The following NINJ2 variants were observed in gnomAD, a reference collection of about 807,000 sequenced individuals.
NINJ2 encodes ninjurin 2.
Under a neutral mutation model 11.7 loss-of-function variants are expected in NINJ2, and 12 were observed. The ratio of observed to expected loss-of-function variants is 1.02; its 90% confidence interval spans 0.66 to 1.66. The LOEUF (loss-of-function observed/expected upper bound fraction) is 1.66, where lower values mean the gene tolerates loss of function less well. Ranked by LOEUF, NINJ2 falls within the 40% of genes most tolerant of loss-of-function variation. NINJ2 has a pLI of 0.00. For missense variants in NINJ2, 187 were observed against 181.8 expected (o/e 1.03, Z -0.16); for synonymous variants, 93 against 76.8 (o/e 1.21, Z -1.10).
rs1038286696 is a variant in NINJ2 at position 640,362 on chromosome 12, G to A, written c.33+22966C>T. On this transcript the variant is annotated intron_variant, in intron 1 of 3. Transcript: ENST00000305108. This position sits in a 1 kb window ranked among gnomAD's most constrained non-coding sequence, Gnocchi z 4.0. ...AGCTTTAAAAAAAAGGTAGGCCTGC[G>A]GGCTCCTTGCCTGAGCAAAGTTAAA... is the stretch of plus-strand genomic sequence containing the variant. 4.6e-5 allele frequency among the ~76,000 whole-genome samples: 7 copies of A among 152,114 alleles called. No individual in the cohort carries two copies. Among genetic ancestry groups the A allele is most frequent in the Non-Finnish European group, 8.8e-5 (6 of 68,028 alleles).
At position 658,799 on chromosome 12, in the gene NINJ2, A is replaced by C. The variant is rs181923939; in HGVS notation, c.33+4529T>G. Among the ~76,000 whole-genome samples the C allele has an allele frequency of 3.3e-5, 5 of 152,198 alleles. No individual in the cohort carries two copies. In the East Asian group the frequency reaches 9.6e-4, roughly 29 times the overall value. On this transcript the variant is annotated intron_variant, in intron 1 of 3. Transcript: ENST00000305108. Reference sequence around the variant, plus strand: ...TGTTATTACGCATAGAATGTTTAACACCAAGAGTGAACCCTCATGTAAACT... The same window carrying C: ...TGTTATTACGCATAGAATGTTTAACCCCAAGAGTGAACCCTCATGTAAACT...
intron 1 of NINJ2, chr12:645,790 C>T (rs933559063): frequency 6.6e-6 from 1 of 152,196 alleles, no homozygotes; most frequent in African/African-American, 2.4e-5. Context: ...ACCTTCTTCT[C>T]CAACGTTTTC....
intron 1 of NINJ2, among the ~76,000 whole-genome samples, chr12:598,338 G>T (rs112197493): frequency 6.6e-6 from 1 of 152,150 alleles, no homozygotes; most frequent in Admixed American, 6.5e-5. Context: ...GCTCCATTCC[G>T]CCCCCACCCT....
chr12:631,210 C>T (rs1214057694), intron 1 of NINJ2, among the ~76,000 whole-genome samples: 1 of 152,060 alleles, frequency 6.6e-6, no homozygotes, highest in Non-Finnish European at 1.5e-5. Flanking sequence ...GGATGCTCTC[C>T]GGACAAACGT....
intron 3 of NINJ2, 105 bp downstream of exon 3, chr12:565,112 C>G: frequency 3.3e-6 from 3 of 912,120 alleles, no homozygotes; most frequent in Non-Finnish European, 4.8e-6. Flanking sequence ...ACAGGCCTTC[C>G]CCCTTTGTTT....
Position 650,496 on chromosome 12 carries a change from G to A in NINJ2, c.33+12832C>T, listed in dbSNP as rs969062579. 5.3e-5 allele frequency among the ~76,000 whole-genome samples: 8 copies of A among 152,174 alleles called. No individual in the cohort carries two copies. In the South Asian group the frequency reaches 6.2e-4, roughly 12 times the overall value. On this transcript the variant is annotated intron_variant, in intron 1 of 3. Transcript: ENST00000305108. ...TAGGGGATCACGAGGTCAGGAGTCC[G>A]AGACCAGCCTGGCCAACATAGTGAA...
At chr12:623,087 T>G (rs147264446) in intron 1 of NINJ2, among the ~76,000 whole-genome samples, 1 of 152,334 alleles carries the variant, frequency 6.6e-6, no homozygotes, top group African/African-American at 2.4e-5. Flanking sequence ...AAAGACAGCA[T>G]GCACTCAGGT....
In NINJ2 at chr12:640,440, G is replaced by T. The variant is rs922844171; in HGVS notation, c.33+22888C>A. Among the ~76,000 whole-genome samples the T allele has an allele frequency of 6.6e-6, 1 of 152,156 alleles. No individual in the cohort carries two copies. Among genetic ancestry groups the T allele is most frequent in the Non-Finnish European group, 1.5e-5 (1 of 68,026 alleles). On this transcript the variant is annotated intron_variant, in intron 1 of 3. Coordinates refer to ENST00000305108, the MANE Select transcript of NINJ2 (RefSeq NM_016533.6). This position sits in a 1 kb window ranked among gnomAD's most constrained non-coding sequence, Gnocchi z 4.0. ...AGACCTCCCTTTCAATGACAGCAGG[G>T]CCTTTAGTCCCAACTACAGTCATTA...
intron 1 of NINJ2, among the ~76,000 whole-genome samples, chr12:650,781 T>G (rs969049221): frequency 2.8e-4 from 43 of 152,220 alleles, no homozygotes; most frequent in African/African-American, 9.9e-4. Context: ...GACTTCTGGT[T>G]TCTGATTCTG....
At chr12:659,501 C>T (rs1263171111) in intron 1 of NINJ2, among the ~76,000 whole-genome samples, 1 of 152,142 alleles carries the variant, frequency 6.6e-6, no homozygotes, top group Non-Finnish European at 1.5e-5. Flanking sequence ...CTGGGAGATG[C>T]GCAGGCTTAG....
chr12:637,174 C>A (rs1948362371), intron 1 of NINJ2, among the ~76,000 whole-genome samples: 1 of 151,484 alleles, frequency 6.6e-6, no homozygotes, highest in Non-Finnish European at 1.5e-5. Flanking sequence ...CATGGTAAAA[C>A]CCCGTCTCTA....
intron 1 of NINJ2, among the ~76,000 whole-genome samples, chr12:627,416 A>G (rs1948221846): frequency 6.6e-6 from 1 of 152,346 alleles, no homozygotes; most frequent in African/African-American, 2.4e-5. Flanking sequence ...AATGAATGAA[A>G]TAGAGAACTA....
intron 1 of NINJ2, among the ~76,000 whole-genome samples, chr12:607,926 G>A (rs1439165524): frequency 1.3e-5 from 2 of 152,138 alleles, no homozygotes; most frequent in Admixed American, 6.6e-5. Flanking sequence ...CCAGTCCTTT[G>A]GCCATCAGCC....
intron 1 of NINJ2, among the ~76,000 whole-genome samples, chr12:648,996 G>GCCTA (rs1937740528): frequency 6.7e-6 from 1 of 148,912 alleles, no homozygotes; most frequent in African/African-American, 2.5e-5. Flanking sequence ...CTATCTATCT[G>GCCTA]TCTATCTATC....
chr12:639,749 G>A (rs571451763), intron 1 of NINJ2, among the ~76,000 whole-genome samples: 310 of 152,252 alleles, frequency 2.0e-3, no homozygotes, highest in Non-Finnish European at 2.9e-3. Context: ...TCCTGAGGAC[G>A]GGTTCCAGCC....
At chr12:647,274 C>T (rs913999110) in intron 1 of NINJ2, among the ~76,000 whole-genome samples, 3 of 152,208 alleles carry the variant, frequency 2.0e-5, no homozygotes, top group African/African-American at 4.8e-5. Context: ...CATCTTCACC[C>T]GAGCCCTTCA....
In NINJ2 at chr12:633,263, C is replaced by T. The variant is rs550144590; in HGVS notation, c.33+30065G>A. ...CTGTAATCCTAGCTCTTTGGGAGGC[C>T]GAGGTGGATGGATCACCTGAAGTCA... On this transcript the variant is annotated intron_variant, in intron 1 of 3. Transcript: ENST00000305108. The surrounding 1 kb of genome is among the most constrained non-coding windows in gnomAD (Gnocchi z 4.3). Among the ~76,000 whole-genome samples the T allele has an allele frequency of 1.8e-4, 28 of 151,928 alleles. No homozygotes were observed. The highest frequency in any genetic ancestry group is 5.8e-4 in the African/African-American group (24 of 41,446).
At chr12:576,448 G>A (rs1396838690) in intron 1 of NINJ2, among the ~76,000 whole-genome samples, 6 of 152,180 alleles carry the variant, frequency 3.9e-5, no homozygotes, top group South Asian at 2.1e-4. Context: ...AGGAAAGCAC[G>A]TGCGTTGAAA....
At chr12:616,835 AAG>A (rs1279088761) in intron 1 of NINJ2, among the ~76,000 whole-genome samples, 1 of 152,226 alleles carries the variant, frequency 6.6e-6, no homozygotes, top group East Asian at 1.9e-4. Context: ...TGAACCAATG[AAG>A]GATCAAAAGA....
Sources: gnomAD v4.1 joint callset for allele counts (sites outside exome capture counted in the v4.1 genomes callset) on GRCh38, gnomAD v4.1.1 for gene constraint, Gnocchi (gnomAD v3.1) non-coding constraint, MANE v1.5 for transcripts, NCBI Gene and HGNC (gene_info 2026-07-23, HGNC 2026-07-21) for gene names.